UGCG: variants seen among roughly 807,000 people sequenced by gnomAD.
The protein encoded by UGCG is UDP-glucose ceramide glucosyltransferase.
In UGCG, 10 loss-of-function variants were observed where a neutral mutation model predicts 49.5. That is an observed-to-expected ratio of 0.20 (90% CI 0.12 to 0.34). UGCG has a LOEUF of 0.34. Among genes scored for constraint, UGCG ranks in the 10% least tolerant of loss-of-function variants. UGCG has a pLI of 1.00. For synonymous variants in UGCG, 182 were observed against 158.2 expected (o/e 1.15, Z -1.13); for missense variants, 312 against 483.7 (o/e 0.65, Z 3.33).
rs147950719 is a variant in UGCG at position 111,905,914 on chromosome 9, A to G, written c.98+8601A>G. 1.4e-3 allele frequency among the ~76,000 whole-genome samples: 214 copies of G among 152,214 alleles called. 1 individual carries two copies. The East Asian group carries it at 0.028, about 20-fold the overall frequency. On this transcript the variant is annotated intron_variant, in intron 1 of 8. Coordinates refer to ENST00000374279, the MANE Select transcript of UGCG (RefSeq NM_003358.3). ...CCTGCTGAGCTCTCTGTATCTGTTT[A>G]TTTATTTACTCTTCATTTATTCAAA... is the stretch of plus-strand genomic sequence containing the variant.
At chr9:111,913,190 C>T (rs1362251800) in intron 1 of UGCG, among the ~76,000 whole-genome samples, 1 of 152,196 alleles carries the variant, frequency 6.6e-6, no homozygotes, top group Non-Finnish European at 1.5e-5. Flanking sequence ...CCATTGATGT[C>T]AGAGATGTTA....
At chr9:111,931,230 T>C in intron 6 of UGCG, 41 bp from the exon 7 acceptor site, 2 of 1,584,006 alleles carry the variant, frequency 1.3e-6, no homozygotes, top group Non-Finnish European at 1.7e-6. Flanking sequence ...CTTGCATGTG[T>C]TCATCATCAT....
intron 4 of UGCG, 70 bp from the exon 5 acceptor site, chr9:111,926,314 A>G (rs919161346): frequency 1.1e-6 from 1 of 879,198 alleles, no homozygotes; most frequent in Non-Finnish European, 1.8e-6. Flanking sequence ...AATATATTTT[A>G]TATTAATGGG....
At position 111,918,140 on chromosome 9, in the gene UGCG, C is replaced by T. The variant is rs543256279; in HGVS notation, c.240+3394C>T. ...CACTGCCACTTCCGCCTCCCGGGTT[C>T]AAGCAATTCTCCCGTGTCAGCCTCC... On this transcript the variant is annotated intron_variant, in intron 2 of 8. Coordinates refer to ENST00000374279, the MANE Select transcript of UGCG (RefSeq NM_003358.3). Among the ~76,000 whole-genome samples, 18 of 152,154 alleles carry T rather than the reference C, an allele frequency of 1.2e-4. No individual in the cohort carries two copies. The East Asian group carries it at 3.1e-3, about 26-fold the overall frequency.
At chr9:111,923,241 A>G (rs1838258321) in intron 3 of UGCG, among the ~76,000 whole-genome samples, 3 of 151,864 alleles carry the variant, frequency 2.0e-5, no homozygotes, top group South Asian at 2.1e-4. Flanking sequence ...CCTTTTCTGT[A>G]TCTTACTGAC....
chr9:111,915,496 A>T (rs978757251), intron 2 of UGCG, among the ~76,000 whole-genome samples: 1 of 152,222 alleles, frequency 6.6e-6, no homozygotes, highest in African/African-American at 2.4e-5. Flanking sequence ...TGGTGGTAAC[A>T]GATCACTTGT....
rs1403633205 is a variant in UGCG at position 111,934,119 on chromosome 9, A to G, written c.*1122A>G. The G allele has an allele frequency of 6.7e-6, 1 of 150,178 alleles. No homozygotes were observed. The highest frequency in any genetic ancestry group is 2.4e-5 in the African/African-American group (1 of 40,926). 9.3% of individuals were successfully genotyped at this position (150,178 alleles called of 1,614,324 possible). On this transcript the variant is annotated 3_prime_UTR_variant, in exon 9 of 9. Coordinates refer to ENST00000374279, the MANE Select transcript of UGCG (RefSeq NM_003358.3). Reference sequence around the variant, plus strand: ...AATTAATCAGTATCAAACTAAGTCTACTGTGTGTGTTTTTTTTTTTTGTTT... The same window carrying G: ...AATTAATCAGTATCAAACTAAGTCTGCTGTGTGTGTTTTTTTTTTTTGTTT...
At chr9:111,909,189 G>A (rs1837948487) in intron 1 of UGCG, among the ~76,000 whole-genome samples, 1 of 152,010 alleles carries the variant, frequency 6.6e-6, no homozygotes, top group Non-Finnish European at 1.5e-5. Flanking sequence ...CAAAGTGCTA[G>A]AATTATAAGC....
intron 2 of UGCG, among the ~76,000 whole-genome samples, chr9:111,916,427 A>G (rs1838110660): frequency 6.6e-6 from 1 of 152,146 alleles, no homozygotes; most frequent in African/African-American, 2.4e-5. Context: ...TAAATGCTTG[A>G]GGAAGTCAGT....
At chr9:111,919,794 C>CA (rs61089422) in intron 2 of UGCG, among the ~76,000 whole-genome samples, 2,744 of 75,960 alleles carry the variant, frequency 0.036, 56 homozygotes, top group East Asian at 0.099. Context: ...GACTCCATCT[C>CA]AAAAAAAAAA....
Position 111,905,194 on chromosome 9 carries a change from C to T in UGCG, c.98+7881C>T, listed in dbSNP as rs558540331. On this transcript the variant is annotated intron_variant, in intron 1 of 8. Transcript: ENST00000374279. ...AACTCCCATTCATTTACTTTTTAAC[C>T]GATTTTTAGCTGTCTACCCTTATCC... Among the ~76,000 whole-genome samples the T allele has an allele frequency of 5.9e-5, 9 of 152,204 alleles. No homozygotes were observed. The South Asian group carries it at 1.0e-3, about 18-fold the overall frequency.
rs1838496575 is a variant in UGCG, at chr9:111,935,065, C to T, written c.*2068C>T. ...AACAAAACCAAAATGGCTGGACAGA[C>T]TTCTTGTGTTTTGTAAATATAAACT... On this transcript the variant is annotated 3_prime_UTR_variant, in exon 9 of 9. Transcript: ENST00000374279. The T allele has an allele frequency of 6.6e-6, 1 of 152,164 alleles. No homozygotes were observed. The highest frequency in any genetic ancestry group is 6.5e-5 in the Admixed American group (1 of 15,270). The allele number at this position is 152,164 out of a possible 1,614,324, so 9.4% of individuals were successfully genotyped here.
rs764074794 is a variant in UGCG, at chr9:111,922,947, T to G, written c.339T>G (p.Phe113Leu). 3.1e-6 allele frequency: 5 copies of G among 1,601,924 alleles called. No homozygotes were observed. The highest frequency in any genetic ancestry group is 1.1e-5 in the South Asian group (1 of 90,326). The change falls in exon 3 of 9, where the codon TTT (phenylalanine) becomes TTG (leucine). Residue 113 changes from phenylalanine to leucine, a missense_variant. Phe to Leu is a conservative substitution (Grantham distance 22). Around this residue, in one of 4 missense-constraint regions of UGCG, gnomAD observed 64 missense variants for 67.6 expected, o/e 0.95. Transcript: ENST00000374279. ...GKYPNVDARL[F>L]IGGKKVGINP... is the part of the protein sequence containing the mutation. ...ATCCAAATGTTGATGCTAGATTGTT[T>G]ATAGGTAAGTAACAAATTCTGTAGT...
intron 2 of UGCG, among the ~76,000 whole-genome samples, chr9:111,921,378 A>G (rs1455751339): frequency 2.0e-5 from 3 of 150,356 alleles, no homozygotes; most frequent in African/African-American, 4.9e-5. Flanking sequence ...TTGACTGAGC[A>G]TGGTGGCTCA....
chr9:111,931,660 G>A (rs573666778), intron 7 of UGCG, among the ~76,000 whole-genome samples: 12 of 152,072 alleles, frequency 7.9e-5, no homozygotes, highest in East Asian at 1.9e-4. Context: ...TCATCAGAGC[G>A]TAGGCCATAC....
intron 3 of UGCG, among the ~76,000 whole-genome samples, chr9:111,923,361 G>A (rs62570265): frequency 0.12 from 15,625 of 132,796 alleles, 1,230 homozygotes; most frequent in African/African-American, 0.26. Context: ...TTTGCCATTA[G>A]TGTTTTTTTT....
chr9:111,932,754 A>G (rs1589531576), intron 8 of UGCG, 73 bp from the exon 9 acceptor site: 1 of 1,391,258 alleles, frequency 7.2e-7, no homozygotes, highest in East Asian at 2.3e-5. Context: ...GTGAAATCCA[A>G]GAATTTAATT....
At chr9:111,911,486 G>A (rs373007736) in intron 1 of UGCG, among the ~76,000 whole-genome samples, 1 of 152,110 alleles carries the variant, frequency 6.6e-6, no homozygotes. Flanking sequence ...GGAAGGACAA[G>A]AAACTAGTAA....
chr9:111,925,944 C>T lies in UGCG; in HGVS notation c.446-440C>T, dbSNP rs1036035545. 4.6e-5 allele frequency among the ~76,000 whole-genome samples: 7 copies of T among 152,160 alleles called. No individual in the cohort carries two copies. The East Asian group carries it at 1.3e-3, about 29-fold the overall frequency. On this transcript the variant is annotated intron_variant, in intron 4 of 8. Coordinates refer to ENST00000374279, the MANE Select transcript of UGCG (RefSeq NM_003358.3). ...ATCTCTGTTCAATATAATCACGTTC[C>T]ATTCCTGTGTGGAAATCTGATACTC...
Sources: gnomAD v4.1 joint callset for allele counts (sites outside exome capture counted in the v4.1 genomes callset) on GRCh38, gnomAD v4.1.1 for gene constraint, gnomAD v4.1.1 regional missense constraint, MANE v1.5 for transcripts, NCBI Gene and HGNC (gene_info 2026-07-23, HGNC 2026-07-21) for gene names.